Variants in GAS2 observed in about 807,000 individuals in gnomAD.
The protein encoded by GAS2 is growth arrest-specific protein 2.
GAS2 carries 20 observed loss-of-function variants against 37.5 expected under a neutral mutation model. The ratio of observed to expected loss-of-function variants is 0.53; its 90% CI spans 0.37 to 0.77. GAS2 has a LOEUF of 0.77. GAS2 is among the 30% of genes least tolerant of loss of function. The probability of loss-of-function intolerance (pLI) is 0.00; values close to 1 mark genes in which losing one functional copy is unlikely to be tolerated. For missense variants in GAS2, 336 were observed against 373.4 expected (o/e 0.90, Z 0.82); for synonymous variants, 144 against 132.2 (o/e 1.09, Z -0.61).
chr11:22,713,925 C>G (rs1019139513), intron 3 of GAS2, among the ~76,000 whole-genome samples: 1 of 151,704 alleles, frequency 6.6e-6, no homozygotes. Flanking sequence ...CTCTCAGGAC[C>G]AATAACACAA....
chr11:22,628,859 C>G (rs1858703069), intron 1 of GAS2, among the ~76,000 whole-genome samples: 1 of 152,186 alleles, frequency 6.6e-6, no homozygotes, highest in Admixed American at 6.5e-5. Context: ...TAGCTTAGCT[C>G]CCACTTCCAA....
intron 7 of GAS2, among the ~76,000 whole-genome samples, chr11:22,758,751 T>A (rs1424276420): frequency 6.6e-6 from 1 of 151,670 alleles, no homozygotes; most frequent in Non-Finnish European, 1.5e-5. Flanking sequence ...CCACCTCTAT[T>A]AAAAATACAA....
chr11:22,636,928 TTAA>T (rs1182686308), intron 1 of GAS2, among the ~76,000 whole-genome samples: 4 of 134,794 alleles, frequency 3.0e-5, no homozygotes, highest in South Asian at 2.2e-4. Flanking sequence ...AATATTTATA[TTAA>T]TAATATAAAT....
intron 7 of GAS2, among the ~76,000 whole-genome samples, chr11:22,789,449 T>A (rs368272189): frequency 9.5e-4 from 71 of 74,844 alleles, no homozygotes; most frequent in Non-Finnish European, 2.0e-3. Context: ...TATATATATA[T>A]ATATATTCTT....
intron 7 of GAS2, among the ~76,000 whole-genome samples, chr11:22,794,112 T>TG (rs1025876632): frequency 3.3e-5 from 5 of 150,920 alleles, no homozygotes; most frequent in African/African-American, 1.2e-4. Context: ...ATAAAACAAT[T>TG]TTTTTTTTTT....
At chr11:22,682,688 G>A (rs542910670) in intron 2 of GAS2, among the ~76,000 whole-genome samples, 1 of 151,928 alleles carries the variant, frequency 6.6e-6, no homozygotes, top group African/African-American at 2.4e-5. Context: ...GACCATCCAG[G>A]CCAACATGGT....
At chr11:22,675,367 A>T (rs752886442) in intron 2 of GAS2, among the ~76,000 whole-genome samples, 11 of 152,202 alleles carry the variant, frequency 7.2e-5, no homozygotes, top group Non-Finnish European at 1.6e-4. Flanking sequence ...CAGTGTCTGT[A>T]AAATCTGGCT....
At chr11:22,809,681 A>T (rs1201703053) in intron 7 of GAS2, among the ~76,000 whole-genome samples, 1 of 146,524 alleles carries the variant, frequency 6.8e-6, no homozygotes, top group African/African-American at 2.5e-5. Flanking sequence ...TTCAGTAGAG[A>T]TGGGGTTTCA....
At chr11:22,665,106 G>C (rs956255329), upstream of GAS2, among the ~76,000 whole-genome samples, 3 of 151,812 alleles carry the variant, frequency 2.0e-5, no homozygotes, top group Non-Finnish European at 4.4e-5. Context: ...TCCCCAAACT[G>C]TATTTAGCAT....
intron 7 of GAS2, among the ~76,000 whole-genome samples, chr11:22,798,368 C>G (rs919466303): frequency 6.6e-6 from 1 of 151,948 alleles, no homozygotes; most frequent in Non-Finnish European, 1.5e-5. Flanking sequence ...GAAGGAATTA[C>G]TATAGTCATT....
intron 7 of GAS2, among the ~76,000 whole-genome samples, chr11:22,809,780 C>A (rs1162036987): frequency 1.3e-5 from 2 of 151,988 alleles, no homozygotes; most frequent in African/African-American, 4.8e-5. Flanking sequence ...AGGCATGAGC[C>A]ACCACGCCCG....
intron 1 of GAS2, 168 bp from the exon 2 acceptor site, chr11:22,674,682 T>C (rs1849345567): frequency 2.5e-6 from 1 of 400,420 alleles, no homozygotes; most frequent in Non-Finnish European, 4.3e-6. Flanking sequence ...TGGCCAAAAG[T>C]GAGAGGGCCA....
At chr11:22,711,242 T>C (rs1007030105) in intron 3 of GAS2, among the ~76,000 whole-genome samples, 3 of 152,182 alleles carry the variant, frequency 2.0e-5, no homozygotes, top group Non-Finnish European at 2.9e-5. Flanking sequence ...TAACTTTACT[T>C]AGAGCCAAAA....
chr11:22,649,190 T>C (rs1417603698), intron 1 of GAS2, among the ~76,000 whole-genome samples: 5 of 151,678 alleles, frequency 3.3e-5, no homozygotes, highest in Non-Finnish European at 7.4e-5. Context: ...GGTTTTTGTC[T>C]TTGGCTCTGT....
At chr11:22,688,318 T>G (rs1387408474) in intron 3 of GAS2, 1 of 152,156 alleles carries the variant, frequency 6.6e-6, no homozygotes, top group Non-Finnish European at 1.5e-5. Flanking sequence ...TGTAAGTATT[T>G]TCGATTAACT....
chr11:22,800,685 T>C (rs891561844), intron 7 of GAS2, among the ~76,000 whole-genome samples: 2 of 152,100 alleles, frequency 1.3e-5, no homozygotes, highest in African/African-American at 2.4e-5. Flanking sequence ...ACTGTCATCC[T>C]GAGAGGGCGA....
chr11:22,719,233 G>A (rs762766090), intron 3 of GAS2, among the ~76,000 whole-genome samples: 4 of 150,842 alleles, frequency 2.7e-5, no homozygotes, highest in Non-Finnish European at 4.4e-5. Flanking sequence ...ATTAATAATA[G>A]TCACCAGGTT....
chr11:22,755,970 C>A lies in GAS2; in HGVS notation c.723+17C>A. ...TTCATTAGGGTAAAGTTTTACTTTTCACTTATCTTGTTTTTATGGGAAGAT... is the reference window on the plus strand; with the variant it reads ...TTCATTAGGGTAAAGTTTTACTTTTAACTTATCTTGTTTTTATGGGAAGAT... On this transcript the variant is annotated intron_variant, in intron 7 of 7. Transcript: ENST00000454584. 2 of 1,534,092 alleles carry A rather than the reference C, an allele frequency of 1.3e-6. No individual in the cohort carries two copies. Among genetic ancestry groups the A allele is most frequent in the South Asian group, 1.1e-5 (1 of 87,278 alleles).
intron 1 of GAS2, among the ~76,000 whole-genome samples, chr11:22,648,813 G>C (rs1848735255): frequency 6.6e-6 from 1 of 151,610 alleles, no homozygotes; most frequent in Non-Finnish European, 1.5e-5. Flanking sequence ...ATCAGCTTAA[G>C]GAGCTGAGAT....
Sources: allele counts gnomAD v4.1 joint callset (sites outside exome capture counted in the v4.1 genomes callset), GRCh38; gene constraint gnomAD v4.1.1; transcripts MANE v1.5; gene names NCBI Gene and HGNC (gene_info 2026-07-23, HGNC 2026-07-21).